AK5: variants seen among roughly 807,000 people sequenced by gnomAD.
AK5 encodes adenylate kinase 5.
In AK5, 27 loss-of-function variants were observed where a neutral mutation model predicts 69.5. That is an observed-to-expected ratio of 0.39 (90% CI 0.29 to 0.54). AK5 has a LOEUF of 0.54. Ranked by LOEUF, AK5 falls within the 20% of genes least tolerant of loss-of-function variation. The pLI is 0.71. For synonymous variants in AK5, 260 were observed against 244.4 expected, an observed-to-expected ratio of 1.06 and a Z score of -0.60; for missense variants, 531 against 700.4, an observed-to-expected ratio of 0.76 and a Z score of 2.73.
chr1:77,327,354 G>T (rs1254766026), intron 5 of AK5, among the ~76,000 whole-genome samples: 1 of 145,126 alleles, frequency 6.9e-6, no homozygotes, highest in Non-Finnish European at 1.5e-5. Flanking sequence ...TTGTGCCACT[G>T]CATTCCAGCC....
At chr1:77,475,596 A>G (rs1654893635) in intron 8 of AK5, among the ~76,000 whole-genome samples, 1 of 146,478 alleles carries the variant, frequency 6.8e-6, no homozygotes, top group East Asian at 2.0e-4. Context: ...TGGATCCTGT[A>G]TATATGTATG....
intron 6 of AK5, among the ~76,000 whole-genome samples, chr1:77,408,746 T>C (rs1320641879): frequency 6.6e-6 from 1 of 152,148 alleles, no homozygotes; most frequent in Non-Finnish European, 1.5e-5. Context: ...TTTGTCATGT[T>C]ATCTATTTTT....
At chr1:77,390,729 T>C (rs930104791) in intron 6 of AK5, among the ~76,000 whole-genome samples, 18 of 152,222 alleles carry the variant, frequency 1.2e-4, no homozygotes, top group African/African-American at 4.3e-4. Context: ...AATATTTTTG[T>C]TCAACTTAAT....
At chr1:77,551,223 C>T (rs1255135373) in intron 13 of AK5, among the ~76,000 whole-genome samples, 5 of 80,926 alleles carry the variant, frequency 6.2e-5, no homozygotes, top group Non-Finnish European at 1.6e-4. Flanking sequence ...AGGCCTTTCC[C>T]AACACACACA....
intron 8 of AK5, among the ~76,000 whole-genome samples, chr1:77,452,834 A>T (rs1439458425): frequency 6.6e-6 from 1 of 152,222 alleles, no homozygotes; most frequent in Admixed American, 6.5e-5. Flanking sequence ...GCTTTCTTAA[A>T]TACCTACAGC....
At chr1:77,395,301 A>G (rs1482229551) in intron 6 of AK5, among the ~76,000 whole-genome samples, 1 of 152,216 alleles carries the variant, frequency 6.6e-6, no homozygotes, top group Non-Finnish European at 1.5e-5. Flanking sequence ...TGCATTTAAA[A>G]TTGGCATTAA....
At chr1:77,492,860 G>C (rs950335748) in intron 10 of AK5, among the ~76,000 whole-genome samples, 20 of 152,188 alleles carry the variant, frequency 1.3e-4, no homozygotes, top group Admixed American at 1.0e-3. Context: ...ACAGCACCAG[G>C]AAGAACGAGA....
chr1:77,450,742 C>T (rs144987657), intron 8 of AK5, among the ~76,000 whole-genome samples: 9 of 152,228 alleles, frequency 5.9e-5, no homozygotes, highest in South Asian at 4.1e-4. Flanking sequence ...AATTTCTTCA[C>T]GGGTTTGTAA....
intron 10 of AK5, among the ~76,000 whole-genome samples, chr1:77,507,078 T>C (rs1408321239): frequency 6.6e-6 from 1 of 152,116 alleles, no homozygotes; most frequent in Non-Finnish European, 1.5e-5. Flanking sequence ...ACAAGAGCCA[T>C]AGTTAGATTT....
intron 12 of AK5, among the ~76,000 whole-genome samples, chr1:77,524,113 T>C (rs1455498044): frequency 6.6e-6 from 1 of 152,208 alleles, no homozygotes; most frequent in African/African-American, 2.4e-5. Context: ...GTGTCAGAAT[T>C]TCCTTCCTTT....
At chr1:77,537,800 C>T (rs1659051573) in intron 13 of AK5, among the ~76,000 whole-genome samples, 1 of 152,214 alleles carries the variant, frequency 6.6e-6, no homozygotes, top group Non-Finnish European at 1.5e-5. Context: ...AAAGATGCCT[C>T]TGCATTTAAC....
chr1:77,553,875 T>C (rs888298697), intron 13 of AK5, among the ~76,000 whole-genome samples: 4 of 152,120 alleles, frequency 2.6e-5, no homozygotes, highest in African/African-American at 9.7e-5. Context: ...TATAGTGGGC[T>C]GTGGGCAGAA....
intron 8 of AK5, among the ~76,000 whole-genome samples, chr1:77,432,799 T>C (rs1651724912): frequency 6.6e-6 from 1 of 152,216 alleles, no homozygotes; most frequent in Non-Finnish European, 1.5e-5. Context: ...TCTTTTAAGT[T>C]ATGAGCAGAA....
intron 5 of AK5, among the ~76,000 whole-genome samples, chr1:77,307,338 T>C (rs1659699391): frequency 6.6e-6 from 1 of 151,418 alleles, no homozygotes; most frequent in Non-Finnish European, 1.5e-5. Flanking sequence ...GTTTCCTTCT[T>C]AATTTCTTGA....
intron 8 of AK5, among the ~76,000 whole-genome samples, chr1:77,441,718 G>A (rs577568011): frequency 6.6e-6 from 1 of 152,342 alleles, no homozygotes; most frequent in East Asian, 1.9e-4. Context: ...TTAGCTGAGA[G>A]GATCCTTCTT....
At chr1:77,437,356 A>T (rs967935770) in intron 8 of AK5, among the ~76,000 whole-genome samples, 1 of 152,136 alleles carries the variant, frequency 6.6e-6, no homozygotes, top group Non-Finnish European at 1.5e-5. Flanking sequence ...ATCGAAGCAG[A>T]TTCTTTAGCT....
intron 1 of AK5, among the ~76,000 whole-genome samples, chr1:77,284,997 C>T (rs1450487598): frequency 6.6e-6 from 1 of 152,118 alleles, no homozygotes; most frequent in Non-Finnish European, 1.5e-5. Context: ...CTCATGTTTT[C>T]TTTTATCTCA....
intron 6 of AK5, among the ~76,000 whole-genome samples, chr1:77,367,588 G>GTATA (rs1646985719): frequency 6.4e-5 from 2 of 31,050 alleles, no homozygotes; most frequent in South Asian, 2.8e-3. Context: ...TAATATATAT[G>GTATA]TTATATATGT....
intron 6 of AK5, among the ~76,000 whole-genome samples, chr1:77,400,184 A>G (rs1649113168): frequency 1.3e-5 from 2 of 152,168 alleles, no homozygotes; most frequent in Admixed American, 1.3e-4. Context: ...TCCTAAGACT[A>G]CTTCCAAAAG....
Sources: allele counts gnomAD v4.1 joint callset (sites outside exome capture counted in the v4.1 genomes callset), GRCh38; gene constraint gnomAD v4.1.1; transcripts MANE v1.5; gene names NCBI Gene and HGNC (gene_info 2026-07-23, HGNC 2026-07-21).